Variants in PDE2A observed in about 807,000 individuals in gnomAD.
The protein encoded by PDE2A is cGMP-dependent 3',5'-cyclic phosphodiesterase.
In PDE2A, 53 loss-of-function variants were observed where a neutral mutation model predicts 133.6. That is an observed-to-expected ratio of 0.40 (90% CI 0.32 to 0.50). The LOEUF (loss-of-function observed/expected upper bound fraction) is 0.50, where lower values mean the gene tolerates loss of function less well. Ranked by LOEUF, PDE2A falls within the 20% of genes least tolerant of loss-of-function variation. The pLI is 0.73. For synonymous variants in PDE2A, 491 were observed against 490.2 expected, an observed-to-expected ratio of 1.00 and a Z score of -0.02; for missense variants, 796 against 1,232.4, an observed-to-expected ratio of 0.65 and a Z score of 5.30.
intron 4 of PDE2A, chr11:72,598,686 A>C (rs538468005): frequency 7.8e-7 from 1 of 1,284,718 alleles, no homozygotes; most frequent in African/African-American, 1.5e-5. Context: ...ACATGAGGAA[A>C]AGGAGGGGGT....
At chr11:72,617,163 G>A (rs1367840122) in intron 2 of PDE2A, among the ~76,000 whole-genome samples, 2 of 152,260 alleles carry the variant, frequency 1.3e-5, no homozygotes, top group Non-Finnish European at 1.5e-5. Context: ...GTAAGGCTGA[G>A]TATCTGCCTC....
At chr11:72,665,911 CA>C (rs34755048) in intron 1 of PDE2A, among the ~76,000 whole-genome samples, 62,217 of 147,218 alleles carry the variant, frequency 0.42, 14,362 homozygotes, top group Middle Eastern at 0.66. Flanking sequence ...AAAACAACAA[CA>C]AAAAAAAAAC....
chr11:72,631,179 C>G (rs1565182454), intron 2 of PDE2A: 2 of 1,446,540 alleles, frequency 1.4e-6, no homozygotes, highest in East Asian at 2.6e-5. Context: ...GCCGGCCAGG[C>G]CTTCTCCCCT....
At chr11:72,606,746 C>A (rs1856986352) in intron 3 of PDE2A, among the ~76,000 whole-genome samples, 3 of 152,176 alleles carry the variant, frequency 2.0e-5, no homozygotes, top group Admixed American at 2.0e-4. Context: ...GGTTAAGAGA[C>A]CAGCCGGGGT....
At chr11:72,631,172 G>C in intron 2 of PDE2A, 1 of 1,504,586 alleles carries the variant, frequency 6.6e-7, no homozygotes, top group South Asian at 1.3e-5. Flanking sequence ...GGCTGAGGCC[G>C]GCCAGGCCTT....
intron 3 of PDE2A, among the ~76,000 whole-genome samples, chr11:72,607,664 C>A (rs1857031560): frequency 1.3e-5 from 2 of 152,072 alleles, no homozygotes; most frequent in South Asian, 2.1e-4. Flanking sequence ...GACAAGTGCC[C>A]TCTCTCTCTG....
intron 1 of PDE2A, among the ~76,000 whole-genome samples, chr11:72,661,176 G>T (rs773042005): frequency 6.6e-6 from 1 of 152,168 alleles, no homozygotes; most frequent in East Asian, 1.9e-4. Flanking sequence ...ATGGTGGTGC[G>T]CACCTGTAAT....
chr11:72,645,000 C>A (rs942316539), intron 1 of PDE2A, among the ~76,000 whole-genome samples: 48 of 152,178 alleles, frequency 3.2e-4, no homozygotes, highest in African/African-American at 1.2e-3. Context: ...CATGATCCAC[C>A]CACCTCAGCC....
At chr11:72,654,329 C>T (rs187924604) in intron 1 of PDE2A, among the ~76,000 whole-genome samples, 54 of 152,296 alleles carry the variant, frequency 3.5e-4, no homozygotes, top group Non-Finnish European at 7.1e-4. Flanking sequence ...GAGCCTGTCA[C>T]GGATGAGAGG....
At chr11:72,600,106 C>A in intron 4 of PDE2A, among the ~76,000 whole-genome samples, 1 of 152,158 alleles carries the variant, frequency 6.6e-6, no homozygotes. Flanking sequence ...ACTGGACAGC[C>A]GAGAGCAAGG....
intron 2 of PDE2A, among the ~76,000 whole-genome samples, chr11:72,619,224 T>C (rs947610347): frequency 1.3e-5 from 2 of 152,200 alleles, no homozygotes; most frequent in African/African-American, 2.4e-5. Context: ...CTAAATTTTA[T>C]CTTGGAAATG....
At chr11:72,664,511 C>A (rs1213622654) in intron 1 of PDE2A, among the ~76,000 whole-genome samples, 1 of 145,300 alleles carries the variant, frequency 6.9e-6, no homozygotes, top group African/African-American at 2.6e-5. Context: ...GTAGCTGGGA[C>A]TACAGGCGCC....
At chr11:72,596,134 T>C (rs543078109) in intron 6 of PDE2A, among the ~76,000 whole-genome samples, 1 of 152,202 alleles carries the variant, frequency 6.6e-6, no homozygotes, top group Non-Finnish European at 1.5e-5. Flanking sequence ...GGTCAGGCCC[T>C]TATGTCCATC....
At chr11:72,651,588 T>A (rs1854742635) in intron 1 of PDE2A, among the ~76,000 whole-genome samples, 1 of 152,110 alleles carries the variant, frequency 6.6e-6, no homozygotes, top group Non-Finnish European at 1.5e-5. Context: ...ACTTCTAAAC[T>A]GGGGATCAAC....
chr11:72,670,781 C>G (rs989886860), intron 1 of PDE2A, among the ~76,000 whole-genome samples: 3 of 152,090 alleles, frequency 2.0e-5, no homozygotes, highest in African/African-American at 7.2e-5. Context: ...TAAGGCCAGG[C>G]TGGGTAGCCT....
chr11:72,665,007 G>C (rs1855193683), intron 1 of PDE2A, among the ~76,000 whole-genome samples: 1 of 151,722 alleles, frequency 6.6e-6, no homozygotes, highest in Non-Finnish European at 1.5e-5. Flanking sequence ...AGTTTCTCCA[G>C]GTTGGCCAGG....
At chr11:72,579,093 G>T in intron 27 of PDE2A, 84 bp from the exon 28 acceptor site, 1 of 1,125,650 alleles carries the variant, frequency 8.9e-7, no homozygotes, top group Non-Finnish European at 1.3e-6. Flanking sequence ...CCAACCCAGA[G>T]CGGTCCAGGG....
chr11:72,598,675 C>T (rs1451206629), intron 4 of PDE2A: 5 of 1,286,306 alleles, frequency 3.9e-6, no homozygotes, highest in Non-Finnish European at 5.1e-6. Flanking sequence ...CAGCAAAGGT[C>T]ACATGAGGAA....
Position 72,589,232 on chromosome 11 carries a change from T to A in PDE2A, c.882A>T (p.Gly294=). 1 of 1,613,350 alleles carries A rather than the reference T, an allele frequency of 6.2e-7. No homozygotes were observed. The highest frequency in any genetic ancestry group is 1.1e-5 in the South Asian group (1 of 90,924). ...TGTCTTCCACCACCTGGCCCAGGCA[T>A]CCTGTCAACTAGGGGGTGAGGAGAG... ...LGEEVSFPLT[G]CLGQVVEDKK... is the part of the protein sequence containing the mutation. The change falls in exon 12 of 31, where the codon GGA becomes GGT. Residue 294 remains glycine (G), a synonymous_variant. Transcript: ENST00000334456.
Sources: allele counts gnomAD v4.1 joint callset (sites outside exome capture counted in the v4.1 genomes callset), GRCh38; gene constraint gnomAD v4.1.1; transcripts MANE v1.5; gene names NCBI Gene and HGNC (gene_info 2026-07-23, HGNC 2026-07-21).